The following MAEA variants were observed in gnomAD, a reference collection of about 807,000 sequenced individuals.
The protein encoded by MAEA is macrophage erythroblast attacher, E3 ubiquitin ligase, also known as E3 ubiquitin-protein transferase MAEA.
Under a neutral mutation model 46.2 loss-of-function variants are expected in MAEA, and 22 were observed. The observed-to-expected ratio is 0.48, with a 90% CI of 0.34 to 0.68. MAEA has a LOEUF of 0.68. Ranked by LOEUF, MAEA falls within the 30% of genes least tolerant of loss-of-function variation. MAEA has a pLI of 0.01. For synonymous variants in MAEA, 246 were observed against 222.6 expected (o/e 1.11, Z -0.94); for missense variants, 393 against 558.1 (o/e 0.70, Z 2.98).
chr4:1,311,326 G>A lies in MAEA; in HGVS notation c.70-653G>A, dbSNP rs928779189. Among the ~76,000 whole-genome samples, 4 of 152,248 alleles carry A rather than the reference G, an allele frequency of 2.6e-5. No homozygotes were observed. The highest frequency in any genetic ancestry group is 2.1e-4 in the South Asian group (1 of 4,836). Reference sequence around the variant, plus strand: ...AAACCGTAGAGCACAGGAAACGGGCGGAGAAGAACTCAGCAGCGCTTCTCT... The same window carrying A: ...AAACCGTAGAGCACAGGAAACGGGCAGAGAAGAACTCAGCAGCGCTTCTCT... On this transcript the variant is annotated intron_variant, in intron 1 of 8. Transcript: ENST00000303400. This position sits in a 1 kb window ranked among gnomAD's most constrained non-coding sequence, Gnocchi z 4.4.
chr4:1,317,034 A>G (rs1226266784), intron 3 of MAEA, among the ~76,000 whole-genome samples: 1 of 104,626 alleles, frequency 9.6e-6, no homozygotes, highest in African/African-American at 3.7e-5. Context: ...ACTCACCTGC[A>G]GGCCCACCCG....
At chr4:1,309,611 G>C (rs904831683) in intron 1 of MAEA, 4 of 1,518,202 alleles carry the variant, frequency 2.6e-6, no homozygotes, top group African/African-American at 2.7e-5. Flanking sequence ...AGGAGCGTGC[G>C]CAGAGGCGTG....
chr4:1,292,484 C>T (rs1420430547), intron 1 of MAEA, among the ~76,000 whole-genome samples: 4 of 152,252 alleles, frequency 2.6e-5, no homozygotes, highest in Admixed American at 6.5e-5. Context: ...CCTTGGGCAC[C>T]TCTGTCGTCA....
At chr4:1,323,685 G>C (rs1738434055) in intron 4 of MAEA, 1 of 693,162 alleles carries the variant, frequency 1.4e-6, no homozygotes, top group East Asian at 2.7e-5. Flanking sequence ...CCTCACAGTG[G>C]GAACTCTGCC....
chr4:1,291,433 G>T (rs544371621), intron 1 of MAEA, among the ~76,000 whole-genome samples: 1 of 152,342 alleles, frequency 6.6e-6, no homozygotes, highest in South Asian at 2.1e-4. Flanking sequence ...TAGGTGGTTG[G>T]TTTTTAATAC....
chr4:1,331,125 G>C (rs1711736271), intron 5 of MAEA: 2 of 151,670 alleles, frequency 1.3e-5, no homozygotes, highest in East Asian at 3.9e-4. Context: ...GAATGAGGGG[G>C]TTGGGTGGGG....
chr4:1,327,690 C>G lies in MAEA; in HGVS notation c.643C>G (p.Leu215Val). The change falls in exon 5 of 9, where the codon CTG (leucine) becomes GTG (valine). Residue 215 changes from leucine to valine, a missense_variant. Physicochemically the swap from Leu to Val is conservative, Grantham distance 32 (BLOSUM62 1). Transcript: ENST00000303400. ...FIELIRQNKRLDAVRHARKHF... is the reference protein window; with the variant it reads ...FIELIRQNKRVDAVRHARKHF... ...TGAACTCATCCGGCAGAATAAGAGA[C>G]TGGACGCTGTGAGGTAGGCATTGCG... 6.2e-7 allele frequency: 1 copy of G among 1,613,838 alleles called. No individual in the cohort carries two copies. Among genetic ancestry groups the G allele is most frequent in the South Asian group, 1.1e-5 (1 of 91,084 alleles).
At chr4:1,314,111 T>C (rs1459233005) in intron 2 of MAEA, among the ~76,000 whole-genome samples, 3 of 152,154 alleles carry the variant, frequency 2.0e-5, no homozygotes, top group Non-Finnish European at 4.4e-5. Context: ...GCGGATCACC[T>C]GAGGTCAGGA....
chr4:1,328,622 A>G, intron 5 of MAEA: 1 of 1,246,844 alleles, frequency 8.0e-7, no homozygotes, highest in Non-Finnish European at 1.0e-6. Flanking sequence ...GCGACTCCAT[A>G]TCCACCTGCA....
At chr4:1,290,134 C>T (rs887488418) in intron 1 of MAEA, 152 bp downstream of exon 1, 2 of 291,182 alleles carry the variant, frequency 6.9e-6, no homozygotes, top group Non-Finnish European at 1.1e-5. Flanking sequence ...CAGGGGCGCC[C>T]GGTCCGCGCC....
At chr4:1,306,613 G>A (rs936643277) in intron 1 of MAEA, among the ~76,000 whole-genome samples, 2 of 152,216 alleles carry the variant, frequency 1.3e-5, no homozygotes, top group African/African-American at 4.8e-5. Flanking sequence ...TTTGTCAGCT[G>A]TGCTGTGAAG....
intron 1 of MAEA, among the ~76,000 whole-genome samples, chr4:1,304,655 G>T (rs910434401): frequency 6.6e-6 from 1 of 152,028 alleles, no homozygotes; most frequent in African/African-American, 2.4e-5. Flanking sequence ...TGGCCAGGAT[G>T]GTCTCCATCT....
At chr4:1,334,508 C>T (rs534895671) in intron 6 of MAEA, among the ~76,000 whole-genome samples, 7 of 152,228 alleles carry the variant, frequency 4.6e-5, no homozygotes, top group Non-Finnish European at 1.0e-4. Context: ...TTGTTTCTCT[C>T]GCTTGCTCTG....
chr4:1,339,029 C>T lies in MAEA; in HGVS notation c.1096-45C>T, dbSNP rs372601506. ...GATTTTCCATGGAAATCCGTGTGTA[C>T]GTTGTAGTCGCTTGCCTTAATGCAT... On this transcript the variant is annotated intron_variant, in intron 8 of 8. Transcript: ENST00000303400. 3.8e-5 allele frequency: 54 copies of T among 1,411,994 alleles called. No individual in the cohort carries two copies. The East Asian group carries it at 4.6e-4, about 12-fold the overall frequency. 87.5% of individuals were successfully genotyped at this position (1,411,994 alleles called of 1,614,324 possible).
intron 3 of MAEA, among the ~76,000 whole-genome samples, chr4:1,316,929 C>G (rs35201724): frequency 0.34 from 49,311 of 143,456 alleles, 9,943 homozygotes; most frequent in Non-Finnish European, 0.45. Flanking sequence ...CACCCCCAGG[C>G]CCACCCGGCC....
intron 5 of MAEA, chr4:1,329,428 G>A (rs1406081907): frequency 7.1e-6 from 7 of 985,278 alleles, no homozygotes; most frequent in South Asian, 4.7e-5. Context: ...TGCCCTCTGC[G>A]GCCTCGTCTG....
At chr4:1,327,529 G>T in intron 4 of MAEA, 98 bp from the exon 5 acceptor site, 1 of 828,542 alleles carries the variant, frequency 1.2e-6, no homozygotes, top group Non-Finnish European at 2.1e-6. Flanking sequence ...TCAGAGCTTT[G>T]GTTGTGGGGT....
intron 3 of MAEA, among the ~76,000 whole-genome samples, chr4:1,319,478 C>T (rs1468077310): frequency 6.6e-6 from 1 of 152,190 alleles, no homozygotes; most frequent in Non-Finnish European, 1.5e-5. Flanking sequence ...ATGTGACTCT[C>T]ACAACCGGAG....
chr4:1,291,262 C>T (rs535384868), intron 1 of MAEA, among the ~76,000 whole-genome samples: 7 of 152,262 alleles, frequency 4.6e-5, no homozygotes, highest in Admixed American at 1.3e-4. Flanking sequence ...CCTCCCAAAG[C>T]GCTGGGCTGA....
Sources: gnomAD v4.1 joint callset for allele counts (sites outside exome capture counted in the v4.1 genomes callset) on GRCh38, gnomAD v4.1.1 for gene constraint, Gnocchi (gnomAD v3.1) non-coding constraint, MANE v1.5 for transcripts, NCBI Gene and HGNC (gene_info 2026-07-23, HGNC 2026-07-21) for gene names.